Variants in WNK3 observed in about 807,000 individuals in gnomAD.
WNK3 encodes the protein serine/threonine-protein kinase WNK3.
In WNK3, 18 loss-of-function variants were observed where a neutral mutation model predicts 116.7. That is an observed-to-expected ratio of 0.15 (90% CI 0.11 to 0.23). The LOEUF is 0.23. Among genes scored for constraint, WNK3 ranks in the 10% least tolerant of loss-of-function variants. The pLI is 1.00. For missense variants in WNK3, 993 were observed against 1,323.8 expected, an observed-to-expected ratio of 0.75 and a Z score of 3.88; for synonymous variants, 404 against 469.4, an observed-to-expected ratio of 0.86 and a Z score of 1.80.
At chrX:54,198,712 T>C in intron 23 of WNK3, 59 bp from the exon 24 acceptor site, 1 of 865,375 alleles carries the variant, frequency 1.2e-6, no homozygotes, top group Non-Finnish European at 1.6e-6. Flanking sequence ...CTTTTATCAG[T>C]CTATATTCCT....
chrX:54,194,862 C>T (rs1557139730), exon 24 of WNK3: 2 of 111,497 alleles, frequency 1.8e-5, no homozygotes, highest in African/African-American at 6.5e-5. Context: ...AATGATATAT[C>T]CCATCAAACT....
At chrX:54,264,169 C>T (rs1557157182) in intron 10 of WNK3, among the ~76,000 whole-genome samples, 1 of 109,556 alleles carries the variant, frequency 9.1e-6, no homozygotes, top group African/African-American at 3.3e-5. Flanking sequence ...CCTGTCTGTA[C>T]TAAAAATACA....
At chrX:54,201,751 A>G (rs1211029563) in intron 23 of WNK3, among the ~76,000 whole-genome samples, 1 of 112,171 alleles carries the variant, frequency 8.9e-6, no homozygotes, top group East Asian at 2.8e-4. Context: ...AGTAGTTGTA[A>G]TAGTATAGCT....
intron 2 of WNK3, among the ~76,000 whole-genome samples, chrX:54,317,820 G>A (rs1444391993): frequency 9.3e-6 from 1 of 107,733 alleles, no homozygotes; most frequent in Non-Finnish European, 1.9e-5. Flanking sequence ...TTTTAGTAGA[G>A]ACAGGGTTTC....
At chrX:54,333,427 C>T (rs201541598) in exon 2 of WNK3, 78 of 1,210,053 alleles carry the variant, frequency 6.4e-5, no homozygotes, top group Non-Finnish European at 8.5e-5. Context: ...TTCATTGCAG[C>T]CTTAATTCTC....
intron 10 of WNK3, among the ~76,000 whole-genome samples, chrX:54,278,702 A>T (rs1480171062): frequency 8.9e-6 from 1 of 111,821 alleles, no homozygotes; most frequent in Non-Finnish European, 1.9e-5. Flanking sequence ...CTCCCCAAAA[A>T]AAAACCCTGA....
At chrX:54,248,882 G>A in exon 17 of WNK3, 1 of 1,211,632 alleles carries the variant, frequency 8.3e-7, no homozygotes, top group Non-Finnish European at 1.1e-6. Context: ...TCTGTCACTG[G>A]ACAGGAGAGG....
intron 22 of WNK3, among the ~76,000 whole-genome samples, chrX:54,212,961 C>G (rs1180026341): frequency 1.8e-5 from 2 of 110,441 alleles, no homozygotes; most frequent in African/African-American, 6.6e-5. Context: ...GCAATGATAC[C>G]TCAAGCACTC....
At chrX:54,249,057 T>C in exon 17 of WNK3, 2 of 1,211,889 alleles carry the variant, frequency 1.7e-6, no homozygotes, top group Non-Finnish European at 1.1e-6. Flanking sequence ...GAGGTCTTTC[T>C]CCATCTGATT....
chrX:54,297,357 A>C (rs1557166508), intron 7 of WNK3, among the ~76,000 whole-genome samples: 3 of 111,422 alleles, frequency 2.7e-5, no homozygotes. Flanking sequence ...GGGACAGATC[A>C]CTTGAAGTCA....
At chrX:54,216,979 C>T (rs1340854446) in intron 22 of WNK3, among the ~76,000 whole-genome samples, 3 of 111,658 alleles carry the variant, frequency 2.7e-5, no homozygotes, top group Non-Finnish European at 5.7e-5. Flanking sequence ...AGTTTGAGAC[C>T]AGCCTGGACA....
At chrX:54,282,782 T>G (rs1557162846) in intron 10 of WNK3, among the ~76,000 whole-genome samples, 2 of 111,686 alleles carry the variant, frequency 1.8e-5, no homozygotes, top group African/African-American at 6.5e-5. Flanking sequence ...AGAATGAAAT[T>G]AGACCCCTAC....
chrX:54,250,068 C>T (rs1557153808), exon 16 of WNK3: 1 of 1,204,324 alleles, frequency 8.3e-7, no homozygotes, highest in Admixed American at 2.2e-5. Flanking sequence ...CTCACGGTTT[C>T]TTATCGTCTG....
intron 20 of WNK3, among the ~76,000 whole-genome samples, chrX:54,233,396 C>A (rs1242277808): frequency 1.0e-5 from 1 of 99,975 alleles, no homozygotes; most frequent in African/African-American, 3.7e-5. Flanking sequence ...CAAGATCACA[C>A]CACTGCACTC....
At chrX:54,324,402 A>C (rs1432482892) in intron 2 of WNK3, among the ~76,000 whole-genome samples, 3 of 112,160 alleles carry the variant, frequency 2.7e-5, no homozygotes, top group African/African-American at 9.7e-5. Flanking sequence ...TAAATCTATC[A>C]AGCAAATAAT....
chrX:54,345,122 G>C lies in WNK3; in HGVS notation c.-119-11330C>G, dbSNP rs59735659. The stretch of plus-strand genomic sequence containing the variant: ...AAATTAGCTGTGGCCGGCGCCTGTA[G>C]TCCCAGCTACTCGGGAGGCTGAGGC... On this transcript the variant is annotated intron_variant, in intron 1 of 23. Coordinates refer to ENST00000354646, the Ensembl canonical transcript of WNK3. Among the ~76,000 whole-genome samples the C allele has an allele frequency of 4.6e-3, 497 of 107,292 alleles. 2 individuals are homozygous for C. Among genetic ancestry groups the C allele is most frequent in the African/African-American group, 0.016 (463 of 29,336 alleles). 93.2% of individuals were successfully genotyped at this position (107,292 alleles called of 115,157 possible).
At chrX:54,351,204 G>A (rs998695232) in intron 1 of WNK3, among the ~76,000 whole-genome samples, 4 of 111,103 alleles carry the variant, frequency 3.6e-5, no homozygotes, top group East Asian at 2.8e-4. Flanking sequence ...GACACTCTTC[G>A]GGAGAAAAGT....
intron 5 of WNK3, among the ~76,000 whole-genome samples, chrX:54,302,757 A>ATATATATATATATAT (rs1557167848): frequency 2.3e-5 from 1 of 43,367 alleles, no homozygotes; most frequent in Non-Finnish European, 3.6e-5. Flanking sequence ...ATATATATAT[A>ATATATATATATATAT]TTTTTTTTTT....
chrX:54,291,184 G>A (rs1439307800), intron 10 of WNK3, among the ~76,000 whole-genome samples: 4 of 110,369 alleles, frequency 3.6e-5, no homozygotes, highest in African/African-American at 9.9e-5. Flanking sequence ...ATGGTGGCAC[G>A]TGCCTGTAGT....
Sources: allele counts gnomAD v4.1 joint callset (sites outside exome capture counted in the v4.1 genomes callset), GRCh38; gene constraint gnomAD v4.1.1; transcripts MANE v1.5; gene names NCBI Gene and HGNC (gene_info 2026-07-23, HGNC 2026-07-21).